The following PLCZ1 variants were observed in gnomAD, a reference collection of about 807,000 sequenced individuals.
The protein encoded by PLCZ1 is phospholipase C zeta 1.
Under a neutral mutation model 76.8 loss-of-function variants are expected in PLCZ1, and 64 were observed. The observed-to-expected ratio is 0.83, with a 90% CI of 0.68 to 1.03. The LOEUF is 1.03. Among genes scored for constraint, PLCZ1 ranks in the 50% least tolerant of loss-of-function variants. PLCZ1 has a pLI of 0.00. For missense variants in PLCZ1, 751 were observed against 713.7 expected (o/e 1.05, Z -0.60); for synonymous variants, 248 against 230.8 (o/e 1.07, Z -0.68).
At chr12:18,664,600 G>A in the PLCZ1 span, among the ~76,000 whole-genome samples, 1 of 152,126 alleles carries the variant, frequency 6.6e-6, no homozygotes, top group Non-Finnish European at 1.5e-5. Flanking sequence ...AATAGTGGTT[G>A]CCAGGTCAGG....
intron 5 of PLCZ1, chr12:18,714,536 G>A (rs376434861): frequency 2.6e-5 from 4 of 152,204 alleles, no homozygotes; most frequent in Admixed American, 6.5e-5. Context: ...CTGAATCTGA[G>A]AGCTGACTTG....
chr12:18,716,714 T>A (rs1958027468), intron 5 of PLCZ1, among the ~76,000 whole-genome samples: 1 of 152,218 alleles, frequency 6.6e-6, no homozygotes, highest in Non-Finnish European at 1.5e-5. Flanking sequence ...ATTTCATCTA[T>A]TTATCTTTAA....
chr12:18,662,710 A>G, the PLCZ1 span, among the ~76,000 whole-genome samples: 27 of 152,254 alleles, frequency 1.8e-4, no homozygotes, highest in East Asian at 4.8e-3. Flanking sequence ...TCAATAACTG[A>G]AAAATGAGGT....
At chr12:18,656,348 C>T in the PLCZ1 span, among the ~76,000 whole-genome samples, 20 of 152,200 alleles carry the variant, frequency 1.3e-4, no homozygotes, top group East Asian at 3.5e-3. Flanking sequence ...GAGGCTGAGG[C>T]GGGTGGATCA....
intron 3 of PLCZ1, among the ~76,000 whole-genome samples, chr12:18,724,818 TC>T (rs1401636705): frequency 2.0e-5 from 3 of 152,094 alleles, no homozygotes; most frequent in Non-Finnish European, 2.9e-5. Context: ...GTGCCCGTAA[TC>T]CCTGAAAATT....
chr12:18,707,450 G>T (rs1265612364), intron 6 of PLCZ1, among the ~76,000 whole-genome samples: 1 of 152,122 alleles, frequency 6.6e-6, no homozygotes, highest in East Asian at 1.9e-4. Context: ...CTTGTGGGAA[G>T]ATCCTCTTTC....
At chr12:18,723,187 C>T (rs1958546868) in intron 4 of PLCZ1, 124 bp downstream of exon 4, 1 of 786,862 alleles carries the variant, frequency 1.3e-6, no homozygotes, top group Non-Finnish European at 2.0e-6. Context: ...ATATTTGACC[C>T]ATCCAAAAAC....
In PLCZ1 at chr12:18,683,341, A is replaced by G. The variant is rs142673615; in HGVS notation, c.1742-17T>C. 1.2e-3 allele frequency: 1,906 copies of G among 1,609,646 alleles called. 23 individuals are homozygous for G. The African/African-American group carries it at 0.023, about 19-fold the overall frequency. ...GACGATAACCTGCAAAAGGAATTAT[A>G]TCTAATTAGACCAATAACCAATTAA... On this transcript the variant is annotated splice_polypyrimidine_tract_variant and intron_variant, in intron 14 of 14. Transcript: ENST00000266505.
rs868194130 is a variant in PLCZ1, at chr12:18,737,925, G to A, written c.-139+7C>T. On this transcript the variant is annotated splice_region_variant and intron_variant, in intron 1 of 14. Transcript: ENST00000266505. ...GTTGACAACATATAATGCACACAGAGACACACCACTTTCGAAGAAGACTGT... is the reference window on the plus strand; with the variant it reads ...GTTGACAACATATAATGCACACAGAAACACACCACTTTCGAAGAAGACTGT... 53 of 309,208 alleles carry A rather than the reference G, an allele frequency of 1.7e-4. No homozygotes were observed. Among genetic ancestry groups the A allele is most frequent in the African/African-American group, 1.1e-3 (52 of 46,772 alleles). The allele number at this position is 309,208 out of a possible 1,614,324, so 19.2% of individuals were successfully genotyped here.
intron 6 of PLCZ1, among the ~76,000 whole-genome samples, chr12:18,710,275 A>T (rs184387745): frequency 1.4e-4 from 21 of 149,870 alleles, no homozygotes; most frequent in Admixed American, 1.2e-3. Context: ...TTTTTAATTC[A>T]TTTTTCCACT....
At chr12:18,710,886 A>C (rs963453353) in intron 6 of PLCZ1, among the ~76,000 whole-genome samples, 1 of 152,130 alleles carries the variant, frequency 6.6e-6, no homozygotes, top group African/African-American at 2.4e-5. Context: ...AGGAAACAAC[A>C]GGTGCTGGAG....
the PLCZ1 span, among the ~76,000 whole-genome samples, chr12:18,661,076 T>G: frequency 6.6e-6 from 1 of 152,018 alleles, no homozygotes; most frequent in South Asian, 2.1e-4. Flanking sequence ...ATTGATGAAC[T>G]TGAGGACAGA....
the PLCZ1 span, among the ~76,000 whole-genome samples, chr12:18,668,841 G>A: frequency 3.9e-5 from 6 of 152,198 alleles, no homozygotes; most frequent in Non-Finnish European, 4.4e-5. Context: ...GAATACACGA[G>A]TGCAGAAGGA....
At chr12:18,659,617 G>A in the PLCZ1 span, among the ~76,000 whole-genome samples, 11 of 149,716 alleles carry the variant, frequency 7.3e-5, no homozygotes, top group South Asian at 2.1e-4. Context: ...TTTCATTTAC[G>A]TGTCAGGCCT....
chr12:18,733,129 T>C (rs1200654892), intron 3 of PLCZ1, among the ~76,000 whole-genome samples: 1 of 152,190 alleles, frequency 6.6e-6, no homozygotes, highest in African/African-American at 2.4e-5. Flanking sequence ...TCTGTTGTAC[T>C]TTTTTATAAT....
rs774509720 is a variant in PLCZ1 at position 18,737,384 on chromosome 12, T to C, written c.-13A>G. On this transcript the variant is annotated 5_prime_UTR_variant, in exon 2 of 15. Transcript: ENST00000266505. ...ATCTCATTTCCATAGTTTCATGACC[T>C]GTAGAGCCGTTTCTCCTCACTTAGA... is the stretch of plus-strand genomic sequence containing the variant. 1 of 1,613,868 alleles carries C rather than the reference T, an allele frequency of 6.2e-7. No homozygotes were observed. The highest frequency in any genetic ancestry group is 1.1e-5 in the South Asian group (1 of 91,078).
intron 3 of PLCZ1, among the ~76,000 whole-genome samples, chr12:18,729,573 T>TA (rs1337553172): frequency 1.3e-5 from 2 of 152,052 alleles, no homozygotes; most frequent in Non-Finnish European, 2.9e-5. Flanking sequence ...AAATCCAATT[T>TA]AAAAAATCCT....
intron 3 of PLCZ1, among the ~76,000 whole-genome samples, chr12:18,728,405 C>T (rs1958871240): frequency 6.6e-6 from 1 of 152,142 alleles, no homozygotes; most frequent in African/African-American, 2.4e-5. Flanking sequence ...GTGCCATTTA[C>T]ATGTCTTCAA....
chr12:18,736,184 C>G (rs766539920), intron 3 of PLCZ1, 37 bp downstream of exon 3: 4 of 1,605,218 alleles, frequency 2.5e-6, no homozygotes, highest in Non-Finnish European at 3.4e-6. Context: ...TAAGTTCCAC[C>G]TAGGATAGGA....
Sources: gnomAD v4.1 joint callset for allele counts (sites outside exome capture counted in the v4.1 genomes callset) on GRCh38, gnomAD v4.1.1 for gene constraint, MANE v1.5 for transcripts, NCBI Gene and HGNC (gene_info 2026-07-23, HGNC 2026-07-21) for gene names.